ST6GAL1: variants seen among roughly 807,000 people sequenced by gnomAD.
ST6GAL1 encodes ST6 beta-galactoside alpha-2,6-sialyltransferase 1.
ST6GAL1 carries 20 observed loss-of-function variants against 38.0 expected under a neutral mutation model. The observed-to-expected ratio is 0.53, with a 90% CI of 0.37 to 0.77. The LOEUF is 0.77. Ranked by LOEUF, ST6GAL1 falls within the 30% of genes least tolerant of loss-of-function variation. The pLI is 0.00. For synonymous variants in ST6GAL1, 196 were observed against 188.2 expected (o/e 1.04, Z -0.34); for missense variants, 432 against 496.4 (o/e 0.87, Z 1.23).
chr3:186,945,693 T>C (rs1714333494), intron 1 of ST6GAL1, among the ~76,000 whole-genome samples: 2 of 151,936 alleles, frequency 1.3e-5, no homozygotes, highest in Non-Finnish European at 2.9e-5. Context: ...TAATTAGAAG[T>C]GTACCTTTTC....
intron 2 of ST6GAL1, among the ~76,000 whole-genome samples, chr3:186,973,006 C>T (rs1040782479): frequency 4.6e-5 from 7 of 152,206 alleles, no homozygotes; most frequent in Non-Finnish European, 7.4e-5. Context: ...TCTGGATCAC[C>T]GCTGGGAAGA....
chr3:186,978,582 T>A (rs1715593381), intron 2 of ST6GAL1, among the ~76,000 whole-genome samples: 1 of 152,234 alleles, frequency 6.6e-6, no homozygotes, highest in South Asian at 2.1e-4. Context: ...CCCTTTCCTT[T>A]ATTCACGGAA....
intron 2 of ST6GAL1, among the ~76,000 whole-genome samples, chr3:186,984,501 T>C (rs546691870): frequency 3.9e-4 from 60 of 152,156 alleles, no homozygotes; most frequent in Non-Finnish European, 5.6e-4. Context: ...ATGTACCCTC[T>C]TCCTTGATCC....
At chr3:186,958,215 T>TA (rs1226972812) in intron 1 of ST6GAL1, among the ~76,000 whole-genome samples, 1 of 152,100 alleles carries the variant, frequency 6.6e-6, no homozygotes, top group Non-Finnish European at 1.5e-5. Context: ...AACTAAGAAA[T>TA]ATACATGAAA....
intron 4 of ST6GAL1, among the ~76,000 whole-genome samples, chr3:187,050,170 A>C (rs1267863432): frequency 1.3e-5 from 2 of 152,164 alleles, no homozygotes; most frequent in African/African-American, 2.4e-5. Context: ...AAATGCCCTC[A>C]CTTCCCCAAA....
chr3:187,013,860 CA>C (rs1486277261), intron 2 of ST6GAL1, among the ~76,000 whole-genome samples: 1 of 152,224 alleles, frequency 6.6e-6, no homozygotes, highest in African/African-American at 2.4e-5. Context: ...GCTGGGATTA[CA>C]GGCATGAGCC....
chr3:186,998,788 C>T (rs145002286), intron 2 of ST6GAL1, among the ~76,000 whole-genome samples: 211 of 152,342 alleles, frequency 1.4e-3, no homozygotes, highest in African/African-American at 4.8e-3. Flanking sequence ...TTTACACTTA[C>T]AGCACGTCTC....
intron 2 of ST6GAL1, among the ~76,000 whole-genome samples, chr3:186,999,338 C>T (rs1322295645): frequency 5.3e-5 from 8 of 152,218 alleles, no homozygotes. Context: ...TGTTTCTGTC[C>T]CCTATGCTAA....
intron 2 of ST6GAL1, among the ~76,000 whole-genome samples, chr3:186,975,447 AAAG>A (rs1027776592): frequency 3.3e-5 from 5 of 152,160 alleles, no homozygotes; most frequent in African/African-American, 7.2e-5. Flanking sequence ...TGAGGCAAGG[AAAG>A]AAGAAGTGCA....
chr3:187,024,451 CACAT>C (rs1352616123), intron 2 of ST6GAL1, among the ~76,000 whole-genome samples: 1 of 141,252 alleles, frequency 7.1e-6, no homozygotes, highest in African/African-American at 2.7e-5. Flanking sequence ...TATACACACA[CACAT>C]ATATACACAT....
chr3:186,960,450 TGGGTGTTA>T (rs1714895663), intron 1 of ST6GAL1, among the ~76,000 whole-genome samples: 1 of 152,154 alleles, frequency 6.6e-6, no homozygotes, highest in South Asian at 2.1e-4. Context: ...AGACCAAATC[TGGGTGTTA>T]GGCCCAGTGA....
At chr3:187,066,213 C>CA (rs1332499420) in intron 5 of ST6GAL1, among the ~76,000 whole-genome samples, 1 of 152,158 alleles carries the variant, frequency 6.6e-6, no homozygotes, top group Non-Finnish European at 1.5e-5. Context: ...ATCATGATGG[C>CA]AATCATGAGT....
intron 5 of ST6GAL1, among the ~76,000 whole-genome samples, chr3:187,071,469 GC>G (rs1719367690): frequency 2.0e-5 from 3 of 151,318 alleles, no homozygotes; most frequent in Admixed American, 6.6e-5. Flanking sequence ...ATGAGGGCCG[GC>G]CGGGCGCGGT....
chr3:187,039,946 G>T (rs143844991), intron 3 of ST6GAL1, among the ~76,000 whole-genome samples: 2 of 152,174 alleles, frequency 1.3e-5, no homozygotes. Flanking sequence ...CAAGACTGTC[G>T]CTAGACCCAG....
intron 1 of ST6GAL1, among the ~76,000 whole-genome samples, chr3:186,934,701 G>A (rs1174890968): frequency 1.3e-5 from 2 of 152,116 alleles, no homozygotes; most frequent in African/African-American, 4.8e-5. Flanking sequence ...CTTATGACTG[G>A]TCAGACCTCT....
At chr3:187,057,671 C>T (rs1718753819) in intron 5 of ST6GAL1, among the ~76,000 whole-genome samples, 1 of 152,156 alleles carries the variant, frequency 6.6e-6, no homozygotes, top group Non-Finnish European at 1.5e-5. Context: ...GAAGCTTTGT[C>T]CCAGTGGGGC....
chr3:187,034,618 G>T (rs948787161), intron 2 of ST6GAL1, among the ~76,000 whole-genome samples: 2 of 152,118 alleles, frequency 1.3e-5, no homozygotes, highest in East Asian at 3.8e-4. Context: ...ATTAATAAAT[G>T]TGATTCACCT....
chr3:187,060,130 A>G (rs1464305493), intron 5 of ST6GAL1, among the ~76,000 whole-genome samples: 1 of 152,120 alleles, frequency 6.6e-6, no homozygotes, highest in Non-Finnish European at 1.5e-5. Flanking sequence ...TGAAAGCAAG[A>G]AGGAGTCAAG....
In ST6GAL1 at chr3:187,075,799, G is replaced by T; in HGVS notation, c.1217G>T (p.Cys406Phe). 6.2e-7 allele frequency: 1 copy of T among 1,614,136 alleles called. No individual in the cohort carries two copies. The highest frequency in any genetic ancestry group is 8.5e-7 in the Non-Finnish European group (1 of 1,180,000). Residue 406 changes from cysteine to phenylalanine, a missense_variant, in exon 8 of 8, where the codon TGC becomes TTC. Cys to Phe is a radical substitution (Grantham distance 205). Coordinates refer to ENST00000169298, the MANE Select transcript of ST6GAL1 (RefSeq NM_173216.2). The surrounding 1 kb of genome is among the most constrained non-coding windows in gnomAD (Gnocchi z 4.1). The part of the protein sequence containing the change: ...ATLPGFRTIH[C>F] ...CTGCCTGGCTTCCGGACCATTCACT[G>T]CTAAGCACAGGCTCCTCACTCTTCT...
Sources: allele counts gnomAD v4.1 joint callset (sites outside exome capture counted in the v4.1 genomes callset), GRCh38; gene constraint gnomAD v4.1.1; non-coding constraint Gnocchi (gnomAD v3.1); transcripts MANE v1.5; gene names NCBI Gene and HGNC (gene_info 2026-07-23, HGNC 2026-07-21).